The following CSMD1 variants were observed in gnomAD, a reference collection of about 807,000 sequenced individuals.
CSMD1 encodes the protein CUB and Sushi multiple domains 1.
A neutral mutation model predicts 417.5 loss-of-function variants in CSMD1; 213 were observed. The observed-to-expected ratio is 0.51, with a 90% CI of 0.46 to 0.57. The LOEUF (loss-of-function observed/expected upper bound fraction) is 0.57. Among genes scored for constraint, CSMD1 ranks in the 20% least tolerant of loss-of-function variants. The probability of loss-of-function intolerance (pLI) is 0.00; values close to 1 mark genes in which losing one functional copy is unlikely to be tolerated. For missense variants in CSMD1, 6,923 were observed against 4,529.7 expected, an observed-to-expected ratio of 1.53 and a Z score of -15.17; for synonymous variants, 2,862 against 1,736.8, an observed-to-expected ratio of 1.65 and a Z score of -16.11.
intron 6 of CSMD1, among the ~76,000 whole-genome samples, chr8:3,728,147 T>A (rs948571667): frequency 6.6e-6 from 1 of 152,186 alleles, no homozygotes; most frequent in African/African-American, 2.4e-5. Flanking sequence ...CAGTGGGAGA[T>A]AAATGAATCA....
intron 3 of CSMD1, among the ~76,000 whole-genome samples, chr8:4,056,980 C>G (rs987008422): frequency 2.6e-5 from 4 of 152,150 alleles, no homozygotes; most frequent in Non-Finnish European, 4.4e-5. Context: ...ATTGTGAATA[C>G]TGCTGCAATA....
At chr8:3,644,122 G>C (rs1797454852) in intron 7 of CSMD1, among the ~76,000 whole-genome samples, 1 of 152,184 alleles carries the variant, frequency 6.6e-6, no homozygotes, top group Non-Finnish European at 1.5e-5. Context: ...CATCACCTGG[G>C]AAGTTGTTAT....
intron 6 of CSMD1, among the ~76,000 whole-genome samples, chr8:3,734,642 C>T (rs565923922): frequency 5.3e-5 from 8 of 152,212 alleles, no homozygotes; most frequent in African/African-American, 1.7e-4. Flanking sequence ...ACCTGGGAGG[C>T]GGAGGTCGCA....
chr8:4,925,370 T>C lies in CSMD1; in HGVS notation c.85+68962A>G, dbSNP rs141745617. Among the ~76,000 whole-genome samples the C allele has an allele frequency of 2.6e-5, 4 of 151,950 alleles. No homozygotes were observed. In the East Asian group the frequency reaches 7.8e-4, roughly 30 times the overall value. On this transcript the variant is annotated intron_variant, in intron 1 of 69. Transcript: ENST00000635120. Reference sequence around the variant, plus strand: ...CATGACTCCTGTTGAAACCTGACATTTCTTTAGCAGTTAAATACATGGCAT... The same window carrying C: ...CATGACTCCTGTTGAAACCTGACATCTCTTTAGCAGTTAAATACATGGCAT...
At chr8:3,928,233 AG>A (rs1310021423) in intron 5 of CSMD1, among the ~76,000 whole-genome samples, 13 of 152,358 alleles carry the variant, frequency 8.5e-5, no homozygotes, top group African/African-American at 3.1e-4. Flanking sequence ...TAGAAATAGT[AG>A]GTATAATTAA....
chr8:4,443,423 A>T (rs371432024), intron 2 of CSMD1, among the ~76,000 whole-genome samples: 2 of 152,026 alleles, frequency 1.3e-5, no homozygotes, highest in South Asian at 4.1e-4. Context: ...AACAATCTTT[A>T]TTCATTATTC....
At chr8:4,743,761 A>G (rs1810774782) in intron 1 of CSMD1, among the ~76,000 whole-genome samples, 1 of 152,180 alleles carries the variant, frequency 6.6e-6, no homozygotes, top group African/African-American at 2.4e-5. Context: ...CAGACCTTGA[A>G]GTTTTGCCTA....
intron 3 of CSMD1, among the ~76,000 whole-genome samples, chr8:4,059,409 A>G (rs1585225873): frequency 6.9e-6 from 1 of 145,506 alleles, no homozygotes; most frequent in South Asian, 2.3e-4. Context: ...AAACACATTC[A>G]AAAGCTAGCA....
intron 1 of CSMD1, among the ~76,000 whole-genome samples, chr8:4,933,327 T>G (rs1051534847): frequency 9.2e-5 from 14 of 152,218 alleles, no homozygotes; most frequent in African/African-American, 3.4e-4. Context: ...CATGCATTAA[T>G]ATGCCGTTTA....
chr8:4,395,407 G>C (rs866085433), intron 3 of CSMD1, among the ~76,000 whole-genome samples: 1 of 151,496 alleles, frequency 6.6e-6, no homozygotes, highest in Non-Finnish European at 1.5e-5. Context: ...CTCCAGAAGC[G>C]CTAAAGAATC....
At chr8:4,863,508 T>G (rs1802251982) in intron 1 of CSMD1, among the ~76,000 whole-genome samples, 1 of 152,106 alleles carries the variant, frequency 6.6e-6, no homozygotes, top group Admixed American at 6.5e-5. Flanking sequence ...GTGTTGAATA[T>G]TTTAATGAAA....
chr8:3,208,376 C>G (rs760111933), intron 30 of CSMD1, among the ~76,000 whole-genome samples: 4 of 152,132 alleles, frequency 2.6e-5, no homozygotes, highest in Non-Finnish European at 5.9e-5. Context: ...AAGTGATTCT[C>G]CTGCCTCAAC....
At chr8:4,035,598 T>A (rs1797575668) in intron 3 of CSMD1, among the ~76,000 whole-genome samples, 1 of 152,296 alleles carries the variant, frequency 6.6e-6, no homozygotes, top group South Asian at 2.1e-4. Flanking sequence ...TAATTTTTAA[T>A]GAATACAGTT....
intron 1 of CSMD1, among the ~76,000 whole-genome samples, chr8:4,810,195 C>T (rs1400868621): frequency 6.6e-6 from 1 of 152,198 alleles, no homozygotes; most frequent in Non-Finnish European, 1.5e-5. Flanking sequence ...GCAGTATTAA[C>T]TCACATCCAT....
intron 2 of CSMD1, among the ~76,000 whole-genome samples, chr8:4,513,784 T>C (rs1268705129): frequency 6.6e-6 from 1 of 152,222 alleles, no homozygotes; most frequent in Non-Finnish European, 1.5e-5. Context: ...TTATTCCTTA[T>C]GTACAGCTGG....
intron 3 of CSMD1, among the ~76,000 whole-genome samples, chr8:4,319,187 A>G (rs1033222734): frequency 2.0e-5 from 3 of 152,206 alleles, no homozygotes; most frequent in African/African-American, 7.2e-5. Flanking sequence ...AATTTCCCCC[A>G]GTAATTCCAA....
At chr8:4,854,694 C>A (rs1019705237) in intron 1 of CSMD1, among the ~76,000 whole-genome samples, 5 of 152,178 alleles carry the variant, frequency 3.3e-5, no homozygotes, top group Non-Finnish European at 7.3e-5. Flanking sequence ...CCGAATACTG[C>A]CCTTTTCCGA....
At chr8:4,819,783 T>A (rs986912873) in intron 1 of CSMD1, among the ~76,000 whole-genome samples, 1 of 151,756 alleles carries the variant, frequency 6.6e-6, no homozygotes, top group Non-Finnish European at 1.5e-5. Context: ...GAAACAGGAG[T>A]CAATGCTAAG....
intron 25 of CSMD1, among the ~76,000 whole-genome samples, chr8:3,302,562 T>G (rs4875573): frequency 1 from 152,270 of 152,274 alleles, 76,133 homozygotes; most frequent in Middle Eastern, 1. Flanking sequence ...TTCCCGTTTT[T>G]TAAGACATCA....
Sources: gnomAD v4.1 joint callset for allele counts (sites outside exome capture counted in the v4.1 genomes callset) on GRCh38, gnomAD v4.1.1 for gene constraint, MANE v1.5 for transcripts, NCBI Gene and HGNC (gene_info 2026-07-23, HGNC 2026-07-21) for gene names.